The following MRC2 variants were observed in gnomAD, a reference collection of about 807,000 sequenced individuals.
MRC2 encodes C-type mannose receptor 2.
MRC2 carries 84 observed loss-of-function variants against 206.2 expected under a neutral mutation model. The ratio of observed to expected loss-of-function variants is 0.41; its 90% CI spans 0.34 to 0.49. The LOEUF (loss-of-function observed/expected upper bound fraction) is 0.49. MRC2 is among the 20% of genes least tolerant of loss of function. The pLI, the probability that MRC2 is intolerant of heterozygous loss-of-function variation, is 0.31. For synonymous variants in MRC2, 798 were observed against 800.0 expected, an observed-to-expected ratio of 1.00 and a Z score of 0.04; for missense variants, 1,676 against 2,001.5, an observed-to-expected ratio of 0.84 and a Z score of 3.10.
At chr17:62,678,765 C>T (rs2088925509) in intron 13 of MRC2, 119 bp downstream of exon 13, 1 of 1,426,680 alleles carries the variant, frequency 7.0e-7, no homozygotes. Context: ...TGGGTGACCC[C>T]AGGGAGGCCT....
Position 62,627,828 on chromosome 17 carries a change from C to A in MRC2, c.26C>A (p.Ala9Glu). MGPGRPAPAPWPRHLLRCV... is the reference protein window; with the variant it reads MGPGRPAPEPWPRHLLRCV... Reference sequence around the variant, plus strand: ...ATGGGGCCCGGCCGGCCGGCCCCCGCGCCCTGGCCTCGTCACCTGCTGCGC... The same window carrying A: ...ATGGGGCCCGGCCGGCCGGCCCCCGAGCCCTGGCCTCGTCACCTGCTGCGC... Residue 9 changes from alanine to glutamate, a missense_variant, in exon 1 of 30, where the codon GCG becomes GAG. Transcript: ENST00000303375. 6.9e-7 allele frequency: 1 copy of A among 1,457,544 alleles called. No homozygotes were observed. The highest frequency in any genetic ancestry group is 9.0e-7 in the Non-Finnish European group (1 of 1,113,190). 90.3% of individuals were successfully genotyped at this position (1,457,544 alleles called of 1,614,324 possible). A position where few individuals can be genotyped will look rare whatever the true frequency, so the allele number is the denominator to read the frequency against.
Position 62,680,276 on chromosome 17 carries a change from C to T in MRC2, c.2405C>T (p.Thr802Ile). 6.2e-7 allele frequency: 1 copy of T among 1,614,098 alleles called. No homozygotes were observed. The highest frequency in any genetic ancestry group is 8.5e-7 in the Non-Finnish European group (1 of 1,180,002). The change falls in exon 15 of 30, where the codon ACA (threonine) becomes ATA (isoleucine). Residue 802 changes from threonine to isoleucine, a missense_variant. By Grantham distance (89) the Thr-to-Ile change is moderately conservative (BLOSUM62 -1). Transcript: ENST00000303375. This position sits in a 1 kb window ranked among gnomAD's most constrained non-coding sequence, Gnocchi z 4.8. ...CAGTGGGTGGCCATGCAGTGCGACACACAGCTGGACTGGATCTGCAAGATC... is the reference window on the plus strand; with the variant it reads ...CAGTGGGTGGCCATGCAGTGCGACATACAGCTGGACTGGATCTGCAAGATC... ...SLQWVAMQCD[T>I]QLDWICKIPR... is the part of the protein sequence containing the mutation.
intron 1 of MRC2, among the ~76,000 whole-genome samples, chr17:62,632,466 C>T (rs565988943): frequency 5.9e-4 from 90 of 152,304 alleles, no homozygotes; most frequent in Non-Finnish European, 3.8e-4. Flanking sequence ...ATTCTGCCCT[C>T]CGCAGCTCTG....
At chr17:62,655,072 T>C (rs187925730) in intron 1 of MRC2, among the ~76,000 whole-genome samples, 52 of 152,244 alleles carry the variant, frequency 3.4e-4, no homozygotes, top group Admixed American at 2.2e-3. Context: ...GATCACGAGG[T>C]CAGGAGATCG....
intron 20 of MRC2, among the ~76,000 whole-genome samples, chr17:62,686,978 G>A (rs1485870838): frequency 1.3e-5 from 2 of 152,182 alleles, no homozygotes; most frequent in Non-Finnish European, 2.9e-5. Context: ...CACTGGTTAA[G>A]TGCCTACTGT....
chr17:62,686,179 C>T (rs1036358338), intron 20 of MRC2, among the ~76,000 whole-genome samples: 31 of 152,122 alleles, frequency 2.0e-4, no homozygotes, highest in East Asian at 5.8e-4. Context: ...CTTGGCTGGG[C>T]GCGGTGGCTC....
rs1204386025 is a variant in MRC2 at position 62,671,867 on chromosome 17, T to C, written c.1306+30T>C. On this transcript the variant is annotated intron_variant, in intron 7 of 29. Coordinates refer to ENST00000303375, the MANE Select transcript of MRC2 (RefSeq NM_006039.5). This position sits in a 1 kb window ranked among gnomAD's most constrained non-coding sequence, Gnocchi z 4.5. ...GGAGCTGCCCGCCCACGTGTCTGGG[T>C]GGAGGGCAGGGCCTCCCACTGCCCC... is the stretch of plus-strand genomic sequence containing the variant. The C allele has an allele frequency of 6.9e-6, 11 of 1,586,208 alleles. No homozygotes were observed. The highest frequency in any genetic ancestry group is 9.5e-6 in the Non-Finnish European group (11 of 1,162,750).
At chr17:62,683,494 A>C (rs2088995246) in intron 20 of MRC2, among the ~76,000 whole-genome samples, 1 of 149,388 alleles carries the variant, frequency 6.7e-6, no homozygotes. Context: ...GAAAAAAAAA[A>C]CAACAAAAAA....
intron 27 of MRC2, 50 bp downstream of exon 27, chr17:62,690,811 G>A: frequency 3.9e-6 from 6 of 1,538,092 alleles, no homozygotes; most frequent in Admixed American, 2.1e-5. Context: ...GGCTGTAAGG[G>A]GCTGCCCTCC....
chr17:62,690,456 C>T (rs1329709625), intron 26 of MRC2, 151 bp downstream of exon 26: 3 of 1,339,532 alleles, frequency 2.2e-6, no homozygotes, highest in East Asian at 4.8e-5. Flanking sequence ...GGAGACCATA[C>T]ATGACACTAT....
rs150662684 is a variant in MRC2, at chr17:62,634,228, T to C, written c.118+6308T>C. Among the ~76,000 whole-genome samples the C allele has an allele frequency of 7.1e-3, 1,080 of 152,324 alleles. 7 individuals are homozygous for C. Among genetic ancestry groups the C allele is most frequent in the South Asian group, 0.021 (102 of 4,826 alleles). ...TGACATTTGTAAACTGTCGTGGCGCTGATAGGAGTATCTTTTAGCATGCCA... is the reference window on the plus strand; with the variant it reads ...TGACATTTGTAAACTGTCGTGGCGCCGATAGGAGTATCTTTTAGCATGCCA... On this transcript the variant is annotated intron_variant, in intron 1 of 29. Transcript: ENST00000303375.
chr17:62,666,236 A>T lies in MRC2; in HGVS notation c.663A>T (p.Lys221Asn), dbSNP rs2088752456. The stretch of plus-strand genomic sequence containing the variant: ...GTGCCACCACCCAGGACTACGGCAA[A>T]GACGAGCGCTGGGGCTTCTGCCCCA... ...LWCATTQDYG[K>N]DERWGFCPIK... Residue 221 changes from lysine to asparagine, a missense_variant, in exon 3 of 30, where the codon AAA (lysine) becomes AAT (asparagine). By Grantham distance (94) the Lys-to-Asn change is moderately conservative. Coordinates refer to ENST00000303375, the MANE Select transcript of MRC2 (RefSeq NM_006039.5). This position sits in a 1 kb window ranked among gnomAD's most constrained non-coding sequence, Gnocchi z 5.0. 6.3e-7 allele frequency: 1 copy of T among 1,595,828 alleles called. No homozygotes were observed. The highest frequency in any genetic ancestry group is 8.5e-7 in the Non-Finnish European group (1 of 1,171,878).
chr17:62,667,347 A>G lies in MRC2; in HGVS notation c.974-43A>G. ...GCAGGGCCCCGGGAGCCACGGTGTG[A>G]GCTTCTCTCTCCGGGGGTGCTGGCG... is the stretch of plus-strand genomic sequence containing the variant. On this transcript the variant is annotated intron_variant, in intron 5 of 29. Transcript: ENST00000303375. This position sits in a 1 kb window ranked among gnomAD's most constrained non-coding sequence, Gnocchi z 4.1. The G allele has an allele frequency of 6.5e-7, 1 of 1,547,668 alleles. No individual in the cohort carries two copies. Among genetic ancestry groups the G allele is most frequent in the Non-Finnish European group, 8.7e-7 (1 of 1,148,602 alleles).
intron 1 of MRC2, among the ~76,000 whole-genome samples, chr17:62,656,846 C>A (rs532176144): frequency 2.0e-5 from 3 of 152,210 alleles, no homozygotes; most frequent in Non-Finnish European, 4.4e-5. Context: ...GACAGGACAT[C>A]CAGCATCTTT....
At chr17:62,691,167 C>G in intron 28 of MRC2, 39 bp downstream of exon 28, 1 of 1,553,766 alleles carries the variant, frequency 6.4e-7, no homozygotes. Flanking sequence ...CTCCTTCCAC[C>G]CCGTGCCGCT....
rs998783230 is a variant in MRC2 at position 62,680,452 on chromosome 17, A to G, written c.2472A>G (p.Gln824=). Residue 824 remains glutamine (Q), a splice_region_variant and synonymous_variant, in exon 16 of 30, where the codon CAA becomes CAG. Transcript: ENST00000303375. This position sits in a 1 kb window ranked among gnomAD's most constrained non-coding sequence, Gnocchi z 4.8. ...TDVREPDDSP[Q]GRREWLRFQE... is the part of the protein sequence containing the mutation. Reference sequence around the variant, plus strand: ...TGCGGGAGCCCGACGACAGCCCTCAAGGTGAGCACCCCCCAGCCCATCCCG... The same window carrying G: ...TGCGGGAGCCCGACGACAGCCCTCAGGGTGAGCACCCCCCAGCCCATCCCG... 1.9e-6 allele frequency: 3 copies of G among 1,613,946 alleles called. No individual in the cohort carries two copies. The highest frequency in any genetic ancestry group is 1.7e-5 in the Admixed American group (1 of 60,004).
rs537488618 is a variant in MRC2 at position 62,680,839 on chromosome 17, A to G, written c.2513A>G (p.Lys838Arg). 1.2e-6 allele frequency: 2 copies of G among 1,612,868 alleles called. No individual in the cohort carries two copies. The highest frequency in any genetic ancestry group is 1.7e-6 in the Non-Finnish European group (2 of 1,179,856). Residue 838 changes from lysine to arginine, a missense_variant, in exon 17 of 30, where the codon AAG becomes AGG. Lys to Arg is a conservative substitution (Grantham distance 26). Transcript: ENST00000303375. The surrounding 1 kb of genome is among the most constrained non-coding windows in gnomAD (Gnocchi z 4.8). ...CTGCGCTTCCAGGAGGCCGAGTACA[A>G]GTTCTTTGAGCACCACTCCACGTGG... is the stretch of plus-strand genomic sequence containing the variant. ...EWLRFQEAEY[K>R]FFEHHSTWAQ...
chr17:62,691,534 C>T (rs2089111695), intron 28 of MRC2, among the ~76,000 whole-genome samples: 1 of 152,094 alleles, frequency 6.6e-6, no homozygotes, highest in South Asian at 2.1e-4. Flanking sequence ...CTTTGGGAGG[C>T]TGAGGTGGGC....
In MRC2 at chr17:62,672,250, G is replaced by C. The variant is rs1484430519; in HGVS notation, c.1461+98G>C. 8.4e-6 allele frequency: 12 copies of C among 1,436,102 alleles called. No homozygotes were observed. Among genetic ancestry groups the C allele is most frequent in the Non-Finnish European group, 1.2e-5 (12 of 1,032,518 alleles). 89.0% of individuals were successfully genotyped at this position (1,436,102 alleles called of 1,614,324 possible). ...GACATCCTAGTTACTATCAGAACCT[G>C]CCTGGAACCTCTTACCTCTCAGCAG... On this transcript the variant is annotated intron_variant, in intron 8 of 29. Transcript: ENST00000303375. The surrounding 1 kb of genome is among the most constrained non-coding windows in gnomAD (Gnocchi z 4.5).
Sources: gnomAD v4.1 joint callset for allele counts (sites outside exome capture counted in the v4.1 genomes callset) on GRCh38, gnomAD v4.1.1 for gene constraint, Gnocchi (gnomAD v3.1) non-coding constraint, MANE v1.5 for transcripts, NCBI Gene and HGNC (gene_info 2026-07-23, HGNC 2026-07-21) for gene names.